SH3RF2: variants seen among roughly 807,000 people sequenced by gnomAD.
SH3RF2 encodes the protein E3 ubiquitin-protein ligase SH3RF2.
In SH3RF2, 43 loss-of-function variants were observed where a neutral mutation model predicts 59.0. That is an observed-to-expected ratio of 0.73 (90% CI 0.57 to 0.94). The LOEUF (loss-of-function observed/expected upper bound fraction) is 0.94, where lower values mean the gene tolerates loss of function less well. SH3RF2 is among the 40% of genes least tolerant of loss of function. The pLI is 0.00. For synonymous variants in SH3RF2, 391 were observed against 391.5 expected, an observed-to-expected ratio of 1.00 and a Z score of 0.01; for missense variants, 930 against 940.1, an observed-to-expected ratio of 0.99 and a Z score of 0.14.
At chr5:146,034,835 A>G (rs7713773) in intron 5 of SH3RF2, among the ~76,000 whole-genome samples, 50,331 of 152,056 alleles carry the variant, frequency 0.33, 8,843 homozygotes, top group Non-Finnish European at 0.39. Flanking sequence ...GGCCAGGTGC[A>G]GTGGCTCACA....
chr5:146,062,171 G>A (rs1235804423), intron 9 of SH3RF2, among the ~76,000 whole-genome samples: 2 of 152,126 alleles, frequency 1.3e-5, no homozygotes, highest in Non-Finnish European at 2.9e-5. Flanking sequence ...TCCCAGATAA[G>A]TCCTAATCCT....
At chr5:145,991,359 G>A (rs1759926053) in intron 2 of SH3RF2, among the ~76,000 whole-genome samples, 3 of 152,170 alleles carry the variant, frequency 2.0e-5, no homozygotes, top group Admixed American at 2.0e-4. Context: ...GTGCAGTAGT[G>A]CAATAATGTA....
intron 5 of SH3RF2, among the ~76,000 whole-genome samples, chr5:146,030,842 A>C (rs185764255): frequency 6.6e-6 from 1 of 152,278 alleles, no homozygotes; most frequent in Admixed American, 6.5e-5. Context: ...TTGTCCAAAA[A>C]TAAAGTTTTA....
At chr5:146,071,062 C>T (rs1435110436) in intron 9 of SH3RF2, among the ~76,000 whole-genome samples, 2 of 152,192 alleles carry the variant, frequency 1.3e-5, no homozygotes, top group Non-Finnish European at 2.9e-5. Context: ...TCCTAATGAC[C>T]TTCCCATGAG....
intron 5 of SH3RF2, among the ~76,000 whole-genome samples, chr5:146,024,662 T>A (rs1761462212): frequency 6.6e-6 from 1 of 152,232 alleles, no homozygotes; most frequent in African/African-American, 2.4e-5. Flanking sequence ...TGCATTTTTT[T>A]CTAAGAGCTT....
chr5:146,057,738 A>G (rs1002291335), intron 8 of SH3RF2, among the ~76,000 whole-genome samples: 3 of 152,080 alleles, frequency 2.0e-5, no homozygotes, highest in Non-Finnish European at 4.4e-5. Flanking sequence ...TCAGGAGTTC[A>G]AGACCAGCCT....
chr5:146,064,091 A>T (rs1762987659), downstream of SH3RF2, among the ~76,000 whole-genome samples: 2 of 152,120 alleles, frequency 1.3e-5, no homozygotes. Context: ...GAAAGCTGCT[A>T]TAAAAAGGGT....
In SH3RF2 at chr5:146,062,565, T is replaced by C. The variant is rs372856349; in HGVS notation, c.2054T>C (p.Met685Thr). Residue 685 changes from methionine to threonine, a missense_variant, in exon 10 of 10, where the codon ATG (methionine) becomes ACG (threonine). Met to Thr is a moderately conservative substitution (Grantham distance 81). Transcript: ENST00000359120. ...GAAGCAGCGTCCTTGGGCCCAGAGA[T>C]GACCGTCCTATTTGCCCACCGAAGT... ...QPEAASLGPE[M>T]TVLFAHRSGC... 5 of 1,614,048 alleles carry C rather than the reference T, an allele frequency of 3.1e-6. No individual in the cohort carries two copies. The highest frequency in any genetic ancestry group is 4.2e-6 in the Non-Finnish European group (5 of 1,180,026).
intron 9 of SH3RF2, among the ~76,000 whole-genome samples, chr5:146,069,564 G>T (rs1357989084): frequency 6.6e-6 from 1 of 151,966 alleles, no homozygotes; most frequent in Non-Finnish European, 1.5e-5. Context: ...GCAGGGAAAT[G>T]CTTGTTTATT....
rs199733636 is a variant in SH3RF2 at position 145,995,928 on chromosome 5, G to T, written c.379-4130G>T. Among the ~76,000 whole-genome samples the T allele has an allele frequency of 3.9e-5, 6 of 152,236 alleles. No homozygotes were observed. In the East Asian group the frequency reaches 1.2e-3, roughly 29 times the overall value. On this transcript the variant is annotated intron_variant, in intron 2 of 9. Coordinates refer to ENST00000359120, the MANE Select transcript of SH3RF2 (RefSeq NM_152550.4). ...GACTGCAAAGTTTTTCATTGTATGG[G>T]TATGGGTGTATAATAATTTATTCAA... is the stretch of plus-strand genomic sequence containing the variant.
intron 6 of SH3RF2, 74 bp downstream of exon 6, chr5:146,047,937 T>A: frequency 7.3e-7 from 1 of 1,361,788 alleles, no homozygotes; most frequent in Non-Finnish European, 1.0e-6. Flanking sequence ...AGTGGTGATC[T>A]AGCATCACCA....
chr5:145,999,591 C>T (rs1011872362), intron 2 of SH3RF2, among the ~76,000 whole-genome samples: 4 of 152,024 alleles, frequency 2.6e-5, no homozygotes, highest in Admixed American at 2.0e-4. Flanking sequence ...TAATTGGCCT[C>T]ATTTTAATAT....
chr5:146,024,108 A>G (rs1281679009), intron 5 of SH3RF2, among the ~76,000 whole-genome samples: 1 of 152,248 alleles, frequency 6.6e-6, no homozygotes, highest in African/African-American at 2.4e-5. Context: ...TATACCTAGA[A>G]GTGGAACTGT....
chr5:145,983,313 T>C (rs1430606261), intron 2 of SH3RF2, among the ~76,000 whole-genome samples: 3 of 151,648 alleles, frequency 2.0e-5, no homozygotes, highest in Non-Finnish European at 2.9e-5. Context: ...AACCAGCATT[T>C]ACTGAGTGAG....
At chr5:145,998,110 G>A (rs1760242856) in intron 2 of SH3RF2, 2 of 501,238 alleles carry the variant, frequency 4.0e-6, no homozygotes, top group South Asian at 3.5e-5. Context: ...GATACATAGA[G>A]TATTATTTAA....
intron 2 of SH3RF2, among the ~76,000 whole-genome samples, chr5:145,941,931 A>G (rs1581371188): frequency 6.6e-6 from 1 of 152,004 alleles, no homozygotes; most frequent in African/African-American, 2.4e-5. Context: ...AATACTTTCT[A>G]CTCTAAATTA....
downstream of SH3RF2, among the ~76,000 whole-genome samples, chr5:146,064,371 G>T (rs1230218881): frequency 6.6e-6 from 1 of 151,898 alleles, no homozygotes; most frequent in Non-Finnish European, 1.5e-5. Flanking sequence ...GACCAGCCAG[G>T]GAGAGCCTTG....
chr5:146,040,889 C>A (rs547782826), intron 5 of SH3RF2, among the ~76,000 whole-genome samples: 1 of 152,140 alleles, frequency 6.6e-6, no homozygotes, highest in East Asian at 1.9e-4. Flanking sequence ...AGGGAAAGGA[C>A]AAGAAAAACA....
intron 5 of SH3RF2, among the ~76,000 whole-genome samples, chr5:146,036,699 AAAG>A (rs1393317675): frequency 6.6e-6 from 1 of 152,320 alleles, no homozygotes; most frequent in East Asian, 1.9e-4. Context: ...TATCTAAAAA[AAAG>A]AGAAAACAGC....
Sources: gnomAD v4.1 joint callset for allele counts (sites outside exome capture counted in the v4.1 genomes callset) on GRCh38, gnomAD v4.1.1 for gene constraint, MANE v1.5 for transcripts, NCBI Gene and HGNC (gene_info 2026-07-23, HGNC 2026-07-21) for gene names.